NRG3: variants seen among roughly 807,000 people sequenced by gnomAD.
NRG3 encodes pro-neuregulin-3, membrane-bound isoform.
In NRG3, 31 loss-of-function variants were observed where a neutral mutation model predicts 66.9. That is an observed-to-expected ratio of 0.46 (90% CI 0.35 to 0.63). The LOEUF is 0.63. Among genes scored for constraint, NRG3 ranks in the 20% least tolerant of loss-of-function variants. NRG3 has a pLI of 0.00. For missense variants in NRG3, 910 were observed against 878.9 expected, an observed-to-expected ratio of 1.04 and a Z score of -0.45; for synonymous variants, 393 against 359.4, an observed-to-expected ratio of 1.09 and a Z score of -1.06.
chr10:82,515,646 C>T (rs1200212206), intron 2 of NRG3, among the ~76,000 whole-genome samples: 2 of 152,152 alleles, frequency 1.3e-5, no homozygotes, highest in Non-Finnish European at 2.9e-5. Flanking sequence ...GTTGTCTGTT[C>T]CTTCTCTTGC....
intron 1 of NRG3, among the ~76,000 whole-genome samples, chr10:81,892,074 T>C (rs1843058681): frequency 6.6e-6 from 1 of 152,190 alleles, no homozygotes; most frequent in Admixed American, 6.5e-5. Context: ...TTCAATGTGA[T>C]ACATACGTGG....
intron 2 of NRG3, among the ~76,000 whole-genome samples, chr10:82,616,165 G>A (rs1447366136): frequency 2.0e-5 from 3 of 152,054 alleles, no homozygotes; most frequent in African/African-American, 4.8e-5. Flanking sequence ...ACTGGAAACC[G>A]TTTGCACTCA....
At chr10:82,702,526 A>G (rs910460309) in intron 2 of NRG3, among the ~76,000 whole-genome samples, 3 of 152,224 alleles carry the variant, frequency 2.0e-5, no homozygotes, top group African/African-American at 7.2e-5. Context: ...TTACACTACT[A>G]TGTAACTGAG....
intron 1 of NRG3, among the ~76,000 whole-genome samples, chr10:82,112,032 C>A (rs1051555904): frequency 1.3e-5 from 2 of 151,982 alleles, no homozygotes; most frequent in African/African-American, 4.8e-5. Context: ...CACTTGAGAC[C>A]AGGAGTTTGA....
intron 3 of NRG3, among the ~76,000 whole-genome samples, chr10:82,748,662 A>T (rs1016342542): frequency 2.5e-4 from 37 of 150,094 alleles, no homozygotes; most frequent in African/African-American, 8.7e-4. Context: ...GACAATAATG[A>T]CAAATGCTTT....
At chr10:81,903,102 T>G (rs1025829184) in intron 1 of NRG3, among the ~76,000 whole-genome samples, 3 of 152,202 alleles carry the variant, frequency 2.0e-5, no homozygotes, top group African/African-American at 7.2e-5. Flanking sequence ...GGTTATGATT[T>G]AAAAATCTCT....
At chr10:82,070,092 A>G (rs188304620) in intron 1 of NRG3, among the ~76,000 whole-genome samples, 3 of 152,330 alleles carry the variant, frequency 2.0e-5, no homozygotes, top group African/African-American at 7.2e-5. Flanking sequence ...TGGTCAAATC[A>G]AGAGATAAGC....
intron 2 of NRG3, among the ~76,000 whole-genome samples, chr10:82,680,097 A>G (rs2054004848): frequency 1.3e-5 from 2 of 152,162 alleles, no homozygotes; most frequent in Admixed American, 6.6e-5. Flanking sequence ...CAATCACCAA[A>G]CACTATTCTA....
chr10:82,141,929 T>C (rs1341396673), intron 1 of NRG3, among the ~76,000 whole-genome samples: 4 of 152,182 alleles, frequency 2.6e-5, no homozygotes, highest in Admixed American at 2.6e-4. Context: ...AGTTTTCCAA[T>C]TGCTGCTGCT....
In NRG3 at chr10:81,875,299, C is replaced by T. The variant is rs1440766205; in HGVS notation, c.-42C>T. On this transcript the variant is annotated 5_prime_UTR_variant, in exon 1 of 9. Transcript: ENST00000372141. This position sits in a 1 kb window ranked among gnomAD's most constrained non-coding sequence, Gnocchi z 5.3. ...CGGCCCGCGCGGCCCCATGCCTCTG[C>T]CGCGGCCCTCGGGGGGGCGAAGGTG... 2 of 982,526 alleles carry T rather than the reference C, an allele frequency of 2.0e-6. No individual in the cohort carries two copies. Among genetic ancestry groups the T allele is most frequent in the South Asian group, 4.5e-5 (1 of 22,064 alleles). 60.9% of individuals were successfully genotyped at this position (982,526 alleles called of 1,614,324 possible).
intron 1 of NRG3, among the ~76,000 whole-genome samples, chr10:82,074,375 G>T (rs1228076187): frequency 2.0e-5 from 3 of 152,074 alleles, no homozygotes; most frequent in Non-Finnish European, 4.4e-5. Flanking sequence ...AGAAACGTTG[G>T]ATTTTACTCT....
chr10:82,227,467 T>C (rs1205883234), intron 1 of NRG3, among the ~76,000 whole-genome samples: 1 of 152,102 alleles, frequency 6.6e-6, no homozygotes, highest in East Asian at 1.9e-4. Context: ...GGAAAAAACT[T>C]AAAGGGTTTT....
At chr10:82,392,974 G>T (rs1023177396) in intron 2 of NRG3, among the ~76,000 whole-genome samples, 12 of 151,668 alleles carry the variant, frequency 7.9e-5, no homozygotes, top group Non-Finnish European at 8.8e-5. Context: ...AAAGTTGTTT[G>T]TTGAAGAATG....
chr10:82,269,092 T>G (rs1319123440), intron 1 of NRG3, among the ~76,000 whole-genome samples: 12 of 152,176 alleles, frequency 7.9e-5, no homozygotes, highest in African/African-American at 2.9e-4. Flanking sequence ...TGATACCACT[T>G]TCTCTGAGAA....
chr10:82,504,448 G>T (rs566882261), intron 2 of NRG3, among the ~76,000 whole-genome samples: 16 of 152,246 alleles, frequency 1.1e-4, no homozygotes, highest in African/African-American at 3.6e-4. Context: ...GAAAGTCACA[G>T]CACTTTGGAT....
chr10:82,880,130 T>A (rs747615339), intron 4 of NRG3, among the ~76,000 whole-genome samples: 34 of 152,166 alleles, frequency 2.2e-4, no homozygotes, highest in Admixed American at 6.5e-4. Flanking sequence ...ATGGGCATGG[T>A]AGGTGACTTC....
chr10:82,923,871 C>A (rs899029407), intron 4 of NRG3, among the ~76,000 whole-genome samples: 2 of 151,492 alleles, frequency 1.3e-5, no homozygotes, highest in Non-Finnish European at 1.5e-5. Flanking sequence ...GTCAGGTGGG[C>A]GGGTTGCTTG....
intron 1 of NRG3, among the ~76,000 whole-genome samples, chr10:82,115,132 G>A (rs2067626070): frequency 6.6e-6 from 1 of 152,022 alleles, no homozygotes. Flanking sequence ...GAGTACCCCT[G>A]TGGCCTGCTC....
intron 2 of NRG3, among the ~76,000 whole-genome samples, chr10:82,365,481 G>T (rs1373442663): frequency 6.6e-6 from 1 of 152,146 alleles, no homozygotes; most frequent in African/African-American, 2.4e-5. Context: ...GATTGCTTTT[G>T]ACAAGAGGAA....
Sources: allele counts gnomAD v4.1 joint callset (sites outside exome capture counted in the v4.1 genomes callset), GRCh38; gene constraint gnomAD v4.1.1; non-coding constraint Gnocchi (gnomAD v3.1); transcripts MANE v1.5; gene names NCBI Gene and HGNC (gene_info 2026-07-23, HGNC 2026-07-21).